The following CACNA1C variants were observed in gnomAD, a reference collection of about 807,000 sequenced individuals.
CACNA1C encodes the protein voltage-dependent L-type calcium channel subunit alpha-1C.
CACNA1C carries 30 observed loss-of-function variants against 229.0 expected under a neutral mutation model. The observed-to-expected ratio is 0.13, with a 90% CI of 0.10 to 0.18. CACNA1C has a LOEUF of 0.18. Among genes scored for constraint, CACNA1C ranks in the 10% least tolerant of loss-of-function variants. The pLI, the probability that CACNA1C is intolerant of heterozygous loss-of-function variation, is 1.00. For synonymous variants in CACNA1C, 1,114 were observed against 1,132.5 expected (o/e 0.98, Z 0.33); for missense variants, 1,658 against 2,845.0 (o/e 0.58, Z 9.49).
At chr12:2,322,393 C>T (rs893118487) in intron 3 of CACNA1C, among the ~76,000 whole-genome samples, 1 of 152,190 alleles carries the variant, frequency 6.6e-6, no homozygotes, top group African/African-American at 2.4e-5. Context: ...CTGGAGACTA[C>T]GCATTGTATA....
chr12:2,639,017 CGAG>C lies in CACNA1C; in HGVS notation c.3912+4641_3912+4643del, dbSNP rs1288360796. Among the ~76,000 whole-genome samples the C allele has an allele frequency of 6.6e-6, 1 of 152,156 alleles. No homozygotes were observed. Among genetic ancestry groups the C allele is most frequent in the East Asian group, 1.9e-4 (1 of 5,184 alleles). On this transcript the variant is annotated intron_variant, in intron 30 of 46. Coordinates refer to ENST00000399655, the MANE Select transcript of CACNA1C (RefSeq NM_000719.7). This position sits in a 1 kb window ranked among gnomAD's most constrained non-coding sequence, Gnocchi z 4.2. ...GAGGCCTGGGCCAGGGCCTCTGGCG[CGAG>C]GAGATCGGGACCCGCAAACTTCTGT...
Position 2,633,785 on chromosome 12 carries a change from T to G in CACNA1C, c.3829-512T>G. On this transcript the variant is annotated intron_variant, in intron 29 of 46. Transcript: ENST00000399655. The surrounding 1 kb of genome is among the most constrained non-coding windows in gnomAD (Gnocchi z 5.8). ...TCTGCCTCGTCTATTTCTCTCTCTC[T>G]CACTCTCTCTGTTTACCTTCTTTTA... 1 of 821,310 alleles carries G rather than the reference T, an allele frequency of 1.2e-6. No homozygotes were observed. The highest frequency in any genetic ancestry group is 2.1e-6 in the Non-Finnish European group (1 of 481,048). The allele number at this position is 821,310 out of a possible 1,614,324, so 50.9% of individuals were successfully genotyped here. A position where few individuals can be genotyped will look rare whatever the true frequency, so the allele number is the denominator to read the frequency against.
chr12:2,645,667 G>A (rs1168016225), intron 30 of CACNA1C, among the ~76,000 whole-genome samples: 4 of 152,176 alleles, frequency 2.6e-5, no homozygotes, highest in African/African-American at 4.8e-5. Context: ...GGGGGCAGGG[G>A]CTGTGGCTTA....
At chr12:2,306,895 G>T (rs1208523944) in intron 3 of CACNA1C, among the ~76,000 whole-genome samples, 2 of 152,176 alleles carry the variant, frequency 1.3e-5, no homozygotes, top group African/African-American at 4.8e-5. Flanking sequence ...TGTTTGCACT[G>T]CCAGTGGCTG....
At chr12:2,576,945 A>G (rs1046802290) in intron 13 of CACNA1C, among the ~76,000 whole-genome samples, 3 of 152,286 alleles carry the variant, frequency 2.0e-5, no homozygotes, top group Non-Finnish European at 1.5e-5. Context: ...CCTTTGTCTC[A>G]TCTTCTAGAT....
At position 2,677,372 on chromosome 12, in the gene CACNA1C, C is replaced by G; in HGVS notation, c.4956+151C>G. ...GAGCTCCAGACCTTTCCAAAGATGG[C>G]TGTGAGAAGGGGGTGATGTGCCCTT... On this transcript the variant is annotated intron_variant, in intron 40 of 46. Transcript: ENST00000399655. The surrounding 1 kb of genome is among the most constrained non-coding windows in gnomAD (Gnocchi z 7.4). The G allele has an allele frequency of 1.2e-6, 1 of 855,170 alleles. No homozygotes were observed. The highest frequency in any genetic ancestry group is 1.8e-6 in the Non-Finnish European group (1 of 570,172). 53.0% of individuals were successfully genotyped at this position (855,170 alleles called of 1,614,324 possible). A position where few individuals can be genotyped will look rare whatever the true frequency, so the allele number is the denominator to read the frequency against.
chr12:2,072,078 C>T (rs997475342), intron 1 of CACNA1C, among the ~76,000 whole-genome samples: 1 of 151,992 alleles, frequency 6.6e-6, no homozygotes, highest in Non-Finnish European at 1.5e-5. Flanking sequence ...AAATATACCT[C>T]TGCTTGGCTT....
chr12:2,195,141 C>T (rs1435687400), intron 3 of CACNA1C, among the ~76,000 whole-genome samples: 15 of 152,186 alleles, frequency 9.9e-5, no homozygotes, highest in Non-Finnish European at 1.9e-4. Context: ...TCACCCATGC[C>T]GTGCCTGGCA....
chr12:2,415,078 C>T (rs1303830419), intron 3 of CACNA1C, among the ~76,000 whole-genome samples: 2 of 152,214 alleles, frequency 1.3e-5, no homozygotes, highest in Non-Finnish European at 2.9e-5. Flanking sequence ...GCAGATACCT[C>T]TGTGGCATGC....
At chr12:2,548,892 C>T (rs1201762660) in intron 9 of CACNA1C, among the ~76,000 whole-genome samples, 1 of 152,098 alleles carries the variant, frequency 6.6e-6, no homozygotes, top group Non-Finnish European at 1.5e-5. Flanking sequence ...ACTTTCTCAG[C>T]ATATGAGGAG....
intron 3 of CACNA1C, among the ~76,000 whole-genome samples, chr12:2,273,343 TC>T (rs1372586357): frequency 7.6e-4 from 116 of 152,346 alleles, no homozygotes; most frequent in African/African-American, 2.8e-3. Flanking sequence ...TCAAATATTT[TC>T]TATCTGTGGC....
rs762091177 is a variant in CACNA1C at position 2,566,436 on chromosome 12, G to A, written c.1523G>A (p.Arg508Gln). The A allele has an allele frequency of 1.7e-5, 27 of 1,593,932 alleles. No individual in the cohort carries two copies. Among genetic ancestry groups the A allele is most frequent in the Admixed American group, 3.5e-5 (2 of 57,586 alleles). The change falls in exon 12 of 47, where the codon CGG becomes CAG. Residue 508 changes from arginine to glutamine, a missense_variant. Coordinates refer to ENST00000399655, the MANE Select transcript of CACNA1C (RefSeq NM_000719.7). This position sits in a 1 kb window ranked among gnomAD's most constrained non-coding sequence, Gnocchi z 4.0. ...CCCCTTTCCAGCCGCTACTGGCGCC[G>A]GTGGAATCGGTTCTGCAGAAGGAAG... ...SKSKFSRYWR[R>Q]WNRFCRRKCR...
At chr12:2,030,066 T>C (rs749088878) in intron 1 of CACNA1C, among the ~76,000 whole-genome samples, 2 of 152,204 alleles carry the variant, frequency 1.3e-5, no homozygotes, top group Non-Finnish European at 2.9e-5. Flanking sequence ...ACCACACTGA[T>C]AGGTGGGCCC....
chr12:2,617,797 C>T (rs573792768), intron 29 of CACNA1C, among the ~76,000 whole-genome samples: 4 of 152,190 alleles, frequency 2.6e-5, no homozygotes, highest in East Asian at 3.9e-4. Flanking sequence ...GCTGTAGGTT[C>T]GCATATGGAT....
At chr12:2,074,124 G>GA (rs938966282) in intron 1 of CACNA1C, among the ~76,000 whole-genome samples, 49 of 145,384 alleles carry the variant, frequency 3.4e-4, no homozygotes, top group South Asian at 6.8e-4. Context: ...CCAATTCAGT[G>GA]AAAAAAAAAT....
At chr12:2,142,612 G>A (rs2094349421) in intron 3 of CACNA1C, among the ~76,000 whole-genome samples, 1 of 151,316 alleles carries the variant, frequency 6.6e-6, no homozygotes, top group Non-Finnish European at 1.5e-5. Flanking sequence ...AGGACATGCA[G>A]CTGTGTATTA....
chr12:2,244,233 T>C (rs1392859955), intron 3 of CACNA1C, among the ~76,000 whole-genome samples: 1 of 152,254 alleles, frequency 6.6e-6, no homozygotes, highest in Non-Finnish European at 1.5e-5. Context: ...AATTTCATTG[T>C]GAAGGGGCCT....
At chr12:2,111,391 C>T (rs887406555) in intron 1 of CACNA1C, among the ~76,000 whole-genome samples, 1 of 152,164 alleles carries the variant, frequency 6.6e-6, no homozygotes, top group Non-Finnish European at 1.5e-5. Context: ...CCTCACGCAG[C>T]TTTTCTGGGT....
chr12:2,364,479 A>C, intron 3 of CACNA1C, among the ~76,000 whole-genome samples: 1 of 152,208 alleles, frequency 6.6e-6, no homozygotes, highest in East Asian at 1.9e-4. Flanking sequence ...TAGGATACAA[A>C]GAGAGAGGAA....
Sources: allele counts gnomAD v4.1 joint callset (sites outside exome capture counted in the v4.1 genomes callset), GRCh38; gene constraint gnomAD v4.1.1; non-coding constraint Gnocchi (gnomAD v3.1); transcripts MANE v1.5; gene names NCBI Gene and HGNC (gene_info 2026-07-23, HGNC 2026-07-21).